The following SEMA6D variants were observed in gnomAD, a reference collection of about 807,000 sequenced individuals.
SEMA6D encodes the protein semaphorin 6D.
Under a neutral mutation model 106.6 loss-of-function variants are expected in SEMA6D, and 35 were observed. The observed-to-expected ratio is 0.33, with a 90% CI of 0.25 to 0.44. The LOEUF is 0.44. SEMA6D is among the 20% of genes least tolerant of loss of function. The probability of loss-of-function intolerance (pLI) is 1.00; values close to 1 mark genes in which losing one functional copy is unlikely to be tolerated. For missense variants in SEMA6D, 1,185 were observed against 1,345.9 expected (o/e 0.88, Z 1.87); for synonymous variants, 499 against 487.7 (o/e 1.02, Z -0.31).
chr15:47,693,614 G>A (rs931971333), intron 4 of SEMA6D, among the ~76,000 whole-genome samples: 1 of 152,046 alleles, frequency 6.6e-6, no homozygotes, highest in African/African-American at 2.4e-5. Context: ...AATTTCAAAT[G>A]CTTGGGGACC....
At chr15:47,624,374 G>T (rs140686202) in intron 4 of SEMA6D, among the ~76,000 whole-genome samples, 1 of 152,270 alleles carries the variant, frequency 6.6e-6, no homozygotes. Context: ...GTTATTAATG[G>T]TGTTGACCTG....
chr15:47,218,278 T>C (rs2030856606), intron 1 of SEMA6D, among the ~76,000 whole-genome samples: 1 of 152,064 alleles, frequency 6.6e-6, no homozygotes, highest in South Asian at 2.1e-4. Flanking sequence ...TCCAGTTCTG[T>C]TTTTGTCTTT....
intron 1 of SEMA6D, among the ~76,000 whole-genome samples, chr15:47,726,040 C>T (rs1567029241): frequency 6.6e-6 from 1 of 152,236 alleles, no homozygotes; most frequent in East Asian, 1.9e-4. Context: ...TGACATAAAG[C>T]AGAGAACCTG....
At chr15:47,692,757 C>T (rs945156928) in intron 4 of SEMA6D, among the ~76,000 whole-genome samples, 4 of 152,124 alleles carry the variant, frequency 2.6e-5, no homozygotes, top group Non-Finnish European at 4.4e-5. Context: ...GTGACCTTCT[C>T]TTTTCTAGTT....
In SEMA6D at chr15:47,765,941, T is replaced by C; in HGVS notation, c.1500T>C (p.Tyr500=). 2 of 1,584,744 alleles carry C rather than the reference T, an allele frequency of 1.3e-6. No individual in the cohort carries two copies. Among genetic ancestry groups the C allele is most frequent in the Non-Finnish European group, 8.6e-7 (1 of 1,166,176 alleles). The change falls in exon 14 of 19, where the codon TAT becomes TAC. Residue 500 remains tyrosine, a synonymous_variant. Coordinates refer to ENST00000536845, the MANE Select transcript of SEMA6D (RefSeq NM_001358351.3). The stretch of plus-strand genomic sequence containing the variant: ...TGGATAAAGATCACCACGCTTTATA[T>C]GTGGCGTTCTCTAGCTGCATTATCC... The part of the protein sequence containing the change: ...LQLDKDHHAL[Y]VAFSSCIIRI...
intron 1 of SEMA6D, among the ~76,000 whole-genome samples, chr15:47,283,226 T>C (rs1324179240): frequency 6.6e-6 from 1 of 152,116 alleles, no homozygotes; most frequent in East Asian, 1.9e-4. Flanking sequence ...AGAATGTGGT[T>C]GTTTGGCAGA....
intron 1 of SEMA6D, among the ~76,000 whole-genome samples, chr15:47,308,206 A>G (rs756155969): frequency 2.0e-5 from 3 of 152,162 alleles, no homozygotes; most frequent in Non-Finnish European, 4.4e-5. Context: ...CATATTCTAC[A>G]TAGGTGAAAA....
intron 3 of SEMA6D, among the ~76,000 whole-genome samples, chr15:47,556,211 T>A (rs2045910099): frequency 6.6e-6 from 1 of 152,180 alleles, no homozygotes; most frequent in East Asian, 1.9e-4. Context: ...TTAACAGGAA[T>A]CAAAATGGAA....
At chr15:47,572,088 A>ACCTCCTTGAT (rs1190764258) in intron 3 of SEMA6D, among the ~76,000 whole-genome samples, 1 of 152,110 alleles carries the variant, frequency 6.6e-6, no homozygotes, top group Non-Finnish European at 1.5e-5. Flanking sequence ...CCTAGGAAAC[A>ACCTCCTTGAT]CCTCCTTGAT....
chr15:47,336,710 A>C (rs958084137), intron 1 of SEMA6D, among the ~76,000 whole-genome samples: 4 of 152,092 alleles, frequency 2.6e-5, no homozygotes, highest in Admixed American at 6.6e-5. Flanking sequence ...GAAGGAGGAG[A>C]TATTTACAGG....
rs1460756849 is a variant in SEMA6D at position 47,772,065 on chromosome 15, A to T, written c.*280A>T. 6 of 411,874 alleles carry T rather than the reference A, an allele frequency of 1.5e-5. No individual in the cohort carries two copies. In the Admixed American group the frequency reaches 2.3e-4, roughly 16 times the overall value. The allele number at this position is 411,874 out of a possible 1,614,324, so 25.5% of individuals were successfully genotyped here. On this transcript the variant is annotated 3_prime_UTR_variant, in exon 19 of 19. Transcript: ENST00000536845. ...AGCTCACAGGGGCTACCTTACCAGT[A>T]TAAAGAGCTGATAACAGTACTCAGA...
intron 4 of SEMA6D, among the ~76,000 whole-genome samples, chr15:47,650,146 G>A (rs2077658367): frequency 6.6e-6 from 1 of 152,202 alleles, no homozygotes; most frequent in Non-Finnish European, 1.5e-5. Flanking sequence ...GAAGGTTCTA[G>A]TATTGGGTTA....
At chr15:47,276,918 GGGA>G (rs2034844908) in intron 1 of SEMA6D, among the ~76,000 whole-genome samples, 1 of 152,164 alleles carries the variant, frequency 6.6e-6, no homozygotes, top group South Asian at 2.1e-4. Context: ...CATGATTCAT[GGGA>G]GGAGGTCAAG....
At chr15:47,466,795 C>A (rs1334683694) in intron 2 of SEMA6D, among the ~76,000 whole-genome samples, 3 of 149,222 alleles carry the variant, frequency 2.0e-5, no homozygotes, top group Non-Finnish European at 4.4e-5. Flanking sequence ...GGAGTGATCT[C>A]GGCTCACTGC....
At position 47,509,310 on chromosome 15, in the gene SEMA6D, G is replaced by T; in HGVS notation, c.-87+38765G>T. Among the ~76,000 whole-genome samples, 3 of 152,258 alleles carry T rather than the reference G, an allele frequency of 2.0e-5. No homozygotes were observed. In the East Asian group the frequency reaches 5.8e-4, roughly 29 times the overall value. ...CTGGGACCTTTGTCCTGCTTACTCA[G>T]ATAAACTCCAGAAGCATATGGAGTG... On this transcript the variant is annotated intron_variant, in intron 3 of 19. Coordinates refer to the SEMA6D transcript ENST00000558014.
intron 3 of SEMA6D, among the ~76,000 whole-genome samples, chr15:47,510,794 A>G (rs1197372141): frequency 6.6e-6 from 1 of 152,162 alleles, no homozygotes; most frequent in African/African-American, 2.4e-5. Flanking sequence ...TGGGCCTGGA[A>G]GAATGATGAT....
intron 1 of SEMA6D, chr15:47,393,511 A>G (rs1161731970): frequency 1.3e-5 from 2 of 152,238 alleles, no homozygotes; most frequent in Non-Finnish European, 2.9e-5. Context: ...CAACGTAGGC[A>G]TAATTTCCAG....
chr15:47,765,757 C>A, intron 13 of SEMA6D, 112 bp from the exon 14 acceptor site: 1 of 1,030,220 alleles, frequency 9.7e-7, no homozygotes, highest in Non-Finnish European at 1.3e-6. Context: ...ATGTACTTGC[C>A]TGGTTTGTTA....
chr15:47,205,782 G>C (rs907534820), intron 1 of SEMA6D, among the ~76,000 whole-genome samples: 1 of 152,062 alleles, frequency 6.6e-6, no homozygotes, highest in African/African-American at 2.4e-5. Context: ...CAAAAAGTTA[G>C]AGATACAAGT....
Sources: gnomAD v4.1 joint callset for allele counts (sites outside exome capture counted in the v4.1 genomes callset) on GRCh38, gnomAD v4.1.1 for gene constraint, MANE v1.5 for transcripts, NCBI Gene and HGNC (gene_info 2026-07-23, HGNC 2026-07-21) for gene names.